Variants in PGAP3 observed in about 807,000 individuals in gnomAD.
PGAP3 encodes post-GPI attachment to proteins phospholipase 3.
In PGAP3, 31 loss-of-function variants were observed where a neutral mutation model predicts 40.3. The ratio of observed to expected loss-of-function variants is 0.77; its 90% CI spans 0.58 to 1.04. The LOEUF (loss-of-function observed/expected upper bound fraction) is 1.04. PGAP3 is among the 50% of genes least tolerant of loss of function. The pLI is 0.00. For missense variants in PGAP3, 413 were observed against 423.0 expected, an observed-to-expected ratio of 0.98 and a Z score of 0.21; for synonymous variants, 191 against 184.5, an observed-to-expected ratio of 1.04 and a Z score of -0.29.
At chr17:39,674,532 G>A (rs1349645108) in intron 4 of PGAP3, 85 bp downstream of exon 4, 1 of 1,388,566 alleles carries the variant, frequency 7.2e-7, no homozygotes, top group South Asian at 1.4e-5. Context: ...GAGGGAGTTG[G>A]CATGACCCTC....
At chr17:39,674,979 T>C (rs541495474) in intron 3 of PGAP3, among the ~76,000 whole-genome samples, 2 of 152,194 alleles carry the variant, frequency 1.3e-5, no homozygotes, top group South Asian at 2.1e-4. Flanking sequence ...AGTTACTCAA[T>C]TGCTAAGACA....
intron 3 of PGAP3, among the ~76,000 whole-genome samples, chr17:39,681,700 G>T (rs1413271235): frequency 1.3e-5 from 2 of 152,036 alleles, no homozygotes; most frequent in Non-Finnish European, 2.9e-5. Flanking sequence ...TAGAGACAGG[G>T]TTTCTTCATG....
chr17:39,679,788 T>C (rs542703273), intron 3 of PGAP3, among the ~76,000 whole-genome samples: 7 of 152,156 alleles, frequency 4.6e-5, no homozygotes, highest in Non-Finnish European at 1.0e-4. Flanking sequence ...CCATCTACTC[T>C]TCTACTCCTA....
intron 5 of PGAP3, 109 bp from the exon 6 acceptor site, chr17:39,673,759 A>G (rs951604986): frequency 1.4e-6 from 2 of 1,451,902 alleles, no homozygotes; most frequent in African/African-American, 2.8e-5. Flanking sequence ...TGAAGTCACT[A>G]CCCCTCTCCC....
At chr17:39,675,294 AG>A (rs1254273661) in intron 3 of PGAP3, among the ~76,000 whole-genome samples, 4 of 151,054 alleles carry the variant, frequency 2.6e-5, no homozygotes, top group South Asian at 2.1e-4. Context: ...GCAGGACTGG[AG>A]GGGCTGTGGT....
At chr17:39,673,389 A>G in intron 6 of PGAP3, 125 bp downstream of exon 6, 1 of 1,551,854 alleles carries the variant, frequency 6.4e-7, no homozygotes, top group Admixed American at 1.7e-5. Context: ...CCCACCTCAA[A>G]TTCTTCTCCA....
chr17:39,672,581 C>T lies in PGAP3; in HGVS notation c.*222G>A. ...TCAGCTCCAGGAGGTAGAGGGGCTG[C>T]CCACTCTCGAGTCCCAGATGCTGGG... is the stretch of plus-strand genomic sequence containing the variant. On this transcript the variant is annotated 3_prime_UTR_variant, in exon 8 of 8. Transcript: ENST00000300658. The T allele has an allele frequency of 1.7e-6, 1 of 597,734 alleles. No homozygotes were observed. The highest frequency in any genetic ancestry group is 3.0e-6 in the Non-Finnish European group (1 of 335,208). The allele number at this position is 597,734 out of a possible 1,614,324, so 37.0% of individuals were successfully genotyped here.
At chr17:39,686,166 G>T in intron 1 of PGAP3, 147 bp from the exon 2 acceptor site, 1 of 642,126 alleles carries the variant, frequency 1.6e-6, no homozygotes, top group Non-Finnish European at 2.8e-6. Flanking sequence ...CTTCCCCTTT[G>T]AATGAATGAG....
chr17:39,672,830 T>C lies in PGAP3; in HGVS notation c.936A>G (p.Glu312=). ...AGTCCAGCTTGAACTTGTCCTCTGA[T>C]TCCTTCAGCAGGTACAGGCTGTCAT... ...LEDDSLYLLK[E]SEDKFKLD The change falls in exon 8 of 8, where the codon GAA becomes GAG. Residue 312 remains glutamate (E), a synonymous_variant. Coordinates refer to ENST00000300658, the MANE Select transcript of PGAP3 (RefSeq NM_033419.5). 1 of 1,614,166 alleles carries C rather than the reference T, an allele frequency of 6.2e-7. No individual in the cohort carries two copies. Among genetic ancestry groups the C allele is most frequent in the Non-Finnish European group, 8.5e-7 (1 of 1,180,004 alleles).
Position 39,672,395 on chromosome 17 carries a change from A to T in PGAP3, c.*408T>A, listed in dbSNP as rs1211727882. The stretch of plus-strand genomic sequence containing the variant: ...GGGTGGGGGGTGGTAACAGAAGGGG[A>T]CCCCCTGTATCCCTAAGGCCTGTGG... On this transcript the variant is annotated 3_prime_UTR_variant, in exon 8 of 8. Coordinates refer to ENST00000300658, the MANE Select transcript of PGAP3 (RefSeq NM_033419.5). The T allele has an allele frequency of 4.3e-6, 1 of 229,912 alleles. No individual in the cohort carries two copies. Among genetic ancestry groups the T allele is most frequent in the Non-Finnish European group, 8.6e-6 (1 of 116,490 alleles). The allele number at this position is 229,912 out of a possible 1,614,324, so 14.2% of individuals were successfully genotyped here. A position where few individuals can be genotyped will look rare whatever the true frequency, so the allele number is the denominator to read the frequency against.
In PGAP3 at chr17:39,672,734, T is replaced by G; in HGVS notation, c.*69A>C. 7.0e-7 allele frequency: 1 copy of G among 1,428,168 alleles called. No individual in the cohort carries two copies. Among genetic ancestry groups the G allele is most frequent in the Non-Finnish European group, 9.9e-7 (1 of 1,014,218 alleles). The allele number at this position is 1,428,168 out of a possible 1,614,324, so 88.5% of individuals were successfully genotyped here. A position where few individuals can be genotyped will look rare whatever the true frequency, so the allele number is the denominator to read the frequency against. On this transcript the variant is annotated 3_prime_UTR_variant, in exon 8 of 8. Coordinates refer to ENST00000300658, the MANE Select transcript of PGAP3 (RefSeq NM_033419.5). The stretch of plus-strand genomic sequence containing the variant: ...TGAAAAGAGAAAATCATCTCAAGGG[T>G]TGAGGGGAGAAGGGAGGCCAGCAGG...
At chr17:39,674,149 G>T in intron 4 of PGAP3, 95 bp from the exon 5 acceptor site, 2 of 1,267,486 alleles carry the variant, frequency 1.6e-6, no homozygotes, top group Non-Finnish European at 2.3e-6. Flanking sequence ...AGAGGGGCCG[G>T]GGTCCTGGGC....
rs60959390 is a variant in PGAP3 at position 39,682,225 on chromosome 17, C to CAAAAAAAA, written c.432+2364_432+2371dup. Among the ~76,000 whole-genome samples the CAAAAAAAA allele has an allele frequency of 3.1e-4, 7 of 22,830 alleles. 2 individuals carry two copies. Among genetic ancestry groups the CAAAAAAAA allele is most frequent in the African/African-American group, 9.3e-4 (7 of 7,550 alleles). 15.0% of individuals were successfully genotyped at this position (22,830 alleles called of 152,430 possible). ...TGGGTGACAGAGTGAGACTCTGTCT[C>CAAAAAAAA]AAAAAAAAAAAAAAAAAAAAAAAAA... On this transcript the variant is annotated intron_variant, in intron 3 of 7. Coordinates refer to ENST00000300658, the MANE Select transcript of PGAP3 (RefSeq NM_033419.5).
In PGAP3 at chr17:39,673,981, A is replaced by G. The variant is rs768199465; in HGVS notation, c.557+12T>C. 6.2e-7 allele frequency: 1 copy of G among 1,613,682 alleles called. No individual in the cohort carries two copies. The highest frequency in any genetic ancestry group is 8.5e-7 in the Non-Finnish European group (1 of 1,179,714). On this transcript the variant is annotated intron_variant, in intron 5 of 7. Coordinates refer to ENST00000300658, the MANE Select transcript of PGAP3 (RefSeq NM_033419.5). ...TTCGATTTTGCCCCTGCAGCCACCC[A>G]GGCAGGCTCACCTGACGCAGCACAG...
chr17:39,674,129 G>A (rs1156871811), intron 4 of PGAP3, 75 bp from the exon 5 acceptor site: 3 of 1,480,264 alleles, frequency 2.0e-6, no homozygotes, highest in African/African-American at 1.4e-5. Context: ...GGGGCATGGA[G>A]GAGTGGCAGA....
intron 3 of PGAP3, among the ~76,000 whole-genome samples, chr17:39,678,461 C>A (rs915063521): frequency 2.0e-5 from 3 of 152,190 alleles, no homozygotes; most frequent in Non-Finnish European, 4.4e-5. Context: ...CCCCACCCGC[C>A]GCCTGGCTGC....
At chr17:39,672,955 G>A in intron 7 of PGAP3, 89 bp from the exon 8 acceptor site, 5 of 1,576,634 alleles carry the variant, frequency 3.2e-6, no homozygotes, top group South Asian at 1.1e-5. Flanking sequence ...CAAGGTGGGA[G>A]GGGGCGGATG....
rs764032197 is a variant in PGAP3, at chr17:39,673,116, G to A, written c.834C>T (p.Phe278=). 29 of 1,608,426 alleles carry A rather than the reference G, an allele frequency of 1.8e-5. No homozygotes were observed. The highest frequency in any genetic ancestry group is 2.7e-5 in the African/African-American group (2 of 74,880). ...AGATGGCATGGGCATCCAGGACCCAGAAGAGCGGTGGGAAGTCAAGCAGCT... is the reference window on the plus strand; with the variant it reads ...AGATGGCATGGGCATCCAGGACCCAAAAGAGCGGTGGGAAGTCAAGCAGCT... The part of the protein sequence containing the change: ...LLELLDFPPL[F]WVLDAHAIWH... The change falls in exon 7 of 8, where the codon TTC becomes TTT. Residue 278 remains phenylalanine (F), a synonymous_variant. Transcript: ENST00000300658.
chr17:39,686,003 G>A lies in PGAP3; in HGVS notation c.198C>T (p.Asp66=), dbSNP rs1030689253. 3 of 1,612,510 alleles carry A rather than the reference G, an allele frequency of 1.9e-6. No homozygotes were observed. Among genetic ancestry groups the A allele is most frequent in the Admixed American group, 1.7e-5 (1 of 59,920 alleles). The change falls in exon 2 of 8, where the codon GAC becomes GAT. Residue 66 remains aspartate (D), a synonymous_variant. Coordinates refer to ENST00000300658, the MANE Select transcript of PGAP3 (RefSeq NM_033419.5). ...YMSLAGWTCR[D]DCKYECMWVT... ...CCCACATACACTCATACTTACAGTC[G>A]TCCCGACAGGTCCAGCCTGAAACAG...
Sources: allele counts gnomAD v4.1 joint callset (sites outside exome capture counted in the v4.1 genomes callset), GRCh38; gene constraint gnomAD v4.1.1; transcripts MANE v1.5; gene names NCBI Gene and HGNC (gene_info 2026-07-23, HGNC 2026-07-21).